Variants in FAM169A observed in about 807,000 individuals in gnomAD.
The protein encoded by FAM169A is family with sequence similarity 169 member A.
Under a neutral mutation model 75.7 loss-of-function variants are expected in FAM169A, and 24 were observed. That is an observed-to-expected ratio of 0.32 (90% confidence interval 0.23 to 0.45). The LOEUF (loss-of-function observed/expected upper bound fraction) is 0.45. FAM169A is among the 20% of genes least tolerant of loss of function. The pLI is 1.00. For missense variants in FAM169A, 673 were observed against 784.0 expected, an observed-to-expected ratio of 0.86 and a Z score of 1.69; for synonymous variants, 271 against 271.0, an observed-to-expected ratio of 1.00 and a Z score of 0.00.
intron 6 of FAM169A, among the ~76,000 whole-genome samples, chr5:74,811,657 G>A (rs1040862710): frequency 1.4e-4 from 21 of 152,154 alleles, no homozygotes; most frequent in African/African-American, 4.3e-4. Flanking sequence ...AGAGTTTCTA[G>A]GTTAATTACT....
At chr5:74,841,420 A>G (rs1425678342) in intron 2 of FAM169A, 125 bp downstream of exon 2, 3 of 698,590 alleles carry the variant, frequency 4.3e-6, no homozygotes, top group Non-Finnish European at 6.6e-6. Flanking sequence ...TTTACTGAAT[A>G]GATTTCTGTA....
intron 9 of FAM169A, among the ~76,000 whole-genome samples, 181 bp downstream of exon 9, chr5:74,801,409 G>C (rs1351726602): frequency 6.6e-6 from 1 of 152,098 alleles, no homozygotes; most frequent in African/African-American, 2.4e-5. Flanking sequence ...AGCTTACTCA[G>C]TGTTCACATA....
intron 4 of FAM169A, among the ~76,000 whole-genome samples, chr5:74,836,775 G>A (rs774114217): frequency 2.0e-5 from 3 of 151,996 alleles, no homozygotes; most frequent in Admixed American, 6.6e-5. Flanking sequence ...TGGCGAAACC[G>A]CATCTCTACT....
chr5:74,805,664 G>A (rs1746840386), intron 6 of FAM169A, among the ~76,000 whole-genome samples: 1 of 150,738 alleles, frequency 6.6e-6, no homozygotes, highest in Admixed American at 6.6e-5. Flanking sequence ...CTGAGTAGCT[G>A]GGATTACAGG....
Position 74,813,994 on chromosome 5 carries a change from G to A in FAM169A, c.516C>T (p.Thr172=). ...CAAGAACTGGCAATTGGTAACTTTG[G>A]GTAAGAAAAGAGGCACATATGCTTC... ...PTGSICASFL[T]QSYQLPVLDT... The change falls in exon 6 of 13, where the codon ACC becomes ACT. Residue 172 remains threonine (T), a synonymous_variant. Transcript: ENST00000687041. The A allele has an allele frequency of 6.3e-7, 1 of 1,579,244 alleles. No individual in the cohort carries two copies. The highest frequency in any genetic ancestry group is 8.6e-7 in the Non-Finnish European group (1 of 1,167,370).
chr5:74,810,198 AT>A (rs1187991578), intron 6 of FAM169A, among the ~76,000 whole-genome samples: 9 of 152,212 alleles, frequency 5.9e-5, no homozygotes, highest in Admixed American at 5.2e-4. Flanking sequence ...CAAAAATAAG[AT>A]GCCAGACATA....
At chr5:74,798,202 C>T (rs1746377086) in intron 10 of FAM169A, among the ~76,000 whole-genome samples, 1 of 152,230 alleles carries the variant, frequency 6.6e-6, no homozygotes, top group Admixed American at 6.5e-5. Context: ...CCTTACGGTG[C>T]TCTTAACTGT....
chr5:74,809,369 C>T (rs1229914436), intron 6 of FAM169A, among the ~76,000 whole-genome samples: 6 of 151,714 alleles, frequency 4.0e-5, no homozygotes, highest in African/African-American at 7.2e-5. Flanking sequence ...CCGAGGTGGG[C>T]GGATCACGAG....
chr5:74,857,222 G>C (rs1749758288), intron 1 of FAM169A, among the ~76,000 whole-genome samples: 1 of 151,826 alleles, frequency 6.6e-6, no homozygotes, highest in African/African-American at 2.4e-5. Flanking sequence ...AACTGAAATT[G>C]GGAGAAATAA....
At chr5:74,793,488 A>G (rs544253912) in intron 11 of FAM169A, among the ~76,000 whole-genome samples, 3 of 152,172 alleles carry the variant, frequency 2.0e-5, no homozygotes, top group African/African-American at 7.2e-5. Flanking sequence ...GTTCTCACTC[A>G]TAAGTGGGAG....
intron 1 of FAM169A, among the ~76,000 whole-genome samples, chr5:74,861,212 G>A (rs1750019033): frequency 6.6e-6 from 1 of 152,138 alleles, no homozygotes; most frequent in African/African-American, 2.4e-5. Flanking sequence ...AGACTTCAAG[G>A]AACCTTTTAA....
rs970468795 is a variant in FAM169A at position 74,855,883 on chromosome 5, A to G, written c.-4+10282T>C. 4.6e-5 allele frequency among the ~76,000 whole-genome samples: 7 copies of G among 152,268 alleles called. No homozygotes were observed. The South Asian group carries it at 1.5e-3, about 32-fold the overall frequency. ...CGCCTATGCCCTGGAGAGTTTTCCC[A>G]ATGTTTTATGTTAATGGTTTCATAG... On this transcript the variant is annotated intron_variant, in intron 1 of 12. Coordinates refer to ENST00000687041, the MANE Select transcript of FAM169A (RefSeq NM_001376049.1).
chr5:74,791,898 A>G (rs1337272659), intron 11 of FAM169A, among the ~76,000 whole-genome samples: 3 of 152,236 alleles, frequency 2.0e-5, no homozygotes, highest in African/African-American at 7.2e-5. Context: ...AGAAACCAGG[A>G]CTGTAATTGT....
chr5:74,796,338 TATA>T (rs1746272762), intron 10 of FAM169A, 152 bp from the exon 11 acceptor site: 1 of 622,244 alleles, frequency 1.6e-6, no homozygotes, highest in Non-Finnish European at 2.7e-6. Flanking sequence ...TTCATCCTCT[TATA>T]ATATTACCAT....
intron 1 of FAM169A, among the ~76,000 whole-genome samples, chr5:74,854,583 C>T (rs770041100): frequency 6.6e-6 from 1 of 152,102 alleles, no homozygotes; most frequent in Non-Finnish European, 1.5e-5. Flanking sequence ...TACCCACTGA[C>T]CAGACTCACT....
intron 1 of FAM169A, among the ~76,000 whole-genome samples, chr5:74,854,855 C>T (rs1034843830): frequency 2.6e-5 from 4 of 152,104 alleles, no homozygotes; most frequent in Non-Finnish European, 5.9e-5. Flanking sequence ...TCCATTCATT[C>T]GATGATTGAC....
Position 74,866,307 on chromosome 5 carries a change from G to A in FAM169A, c.-146C>T, listed in dbSNP as rs1349283034. ...CGCGGCTGCCAGGGCGAGTGCGGCT[G>A]CCTCCCGCTCGCCCCGGACGCCCGG... On this transcript the variant is annotated 5_prime_UTR_variant, in exon 1 of 13. Coordinates refer to ENST00000687041, the MANE Select transcript of FAM169A (RefSeq NM_001376049.1). The A allele has an allele frequency of 3.0e-6, 3 of 984,234 alleles. No individual in the cohort carries two copies. The highest frequency in any genetic ancestry group is 1.7e-5 in the African/African-American group (1 of 57,150). 61.0% of individuals were successfully genotyped at this position (984,234 alleles called of 1,614,324 possible).
chr5:74,811,269 T>C (rs1019382858), intron 6 of FAM169A, among the ~76,000 whole-genome samples: 4 of 152,130 alleles, frequency 2.6e-5, no homozygotes, highest in East Asian at 1.9e-4. Flanking sequence ...TATAGGAAGA[T>C]AGAAATTAGC....
intron 1 of FAM169A, among the ~76,000 whole-genome samples, chr5:74,854,833 A>G (rs1749626388): frequency 6.6e-6 from 1 of 152,214 alleles, no homozygotes; most frequent in South Asian, 2.1e-4. Context: ...CATATGTACC[A>G]TATTTTCTTT....
Sources: gnomAD v4.1 joint callset for allele counts (sites outside exome capture counted in the v4.1 genomes callset) on GRCh38, gnomAD v4.1.1 for gene constraint, MANE v1.5 for transcripts, NCBI Gene and HGNC (gene_info 2026-07-23, HGNC 2026-07-21) for gene names.